Variants in NRXN1 observed in about 807,000 individuals in gnomAD.
NRXN1 encodes neurexin-1.
In NRXN1, 39 loss-of-function variants were observed where a neutral mutation model predicts 150.9. The ratio of observed to expected loss-of-function variants is 0.26; its 90% CI spans 0.20 to 0.34. The LOEUF (loss-of-function observed/expected upper bound fraction) is 0.34, where lower values mean the gene tolerates loss of function less well. NRXN1 is among the 10% of genes least tolerant of loss of function. The pLI is 1.00. For missense variants in NRXN1, 1,815 were observed against 1,949.9 expected (o/e 0.93, Z 1.30); for synonymous variants, 924 against 757.0 (o/e 1.22, Z -3.62).
intron 18 of NRXN1, among the ~76,000 whole-genome samples, chr2:50,131,362 T>C (rs1340673180): frequency 2.0e-5 from 3 of 152,238 alleles, no homozygotes; most frequent in African/African-American, 4.8e-5. Context: ...TCATGAATAA[T>C]GAATTAGAGT....
chr2:50,922,513 T>C (rs944617273), intron 4 of NRXN1, 145 bp downstream of exon 4: 7 of 828,884 alleles, frequency 8.4e-6, no homozygotes, highest in Admixed American at 4.1e-5. Context: ...GAAAAACACA[T>C]GAAAAAATGT....
chr2:50,139,048 G>A (rs1008471680), intron 18 of NRXN1, among the ~76,000 whole-genome samples: 6 of 152,100 alleles, frequency 3.9e-5, no homozygotes, highest in South Asian at 2.1e-4. Context: ...GCATGTGGAC[G>A]GGCAAGGTGG....
At chr2:50,430,264 G>A (rs1303871272) in intron 17 of NRXN1, among the ~76,000 whole-genome samples, 1 of 152,066 alleles carries the variant, frequency 6.6e-6, no homozygotes, top group Non-Finnish European at 1.5e-5. Flanking sequence ...TCCTGGGGTA[G>A]GGACCTATGT....
At chr2:50,165,346 C>T (rs2059611484) in intron 18 of NRXN1, among the ~76,000 whole-genome samples, 1 of 151,946 alleles carries the variant, frequency 6.6e-6, no homozygotes. Context: ...AGCCTCAGCA[C>T]TATTTTTTTT....
At chr2:50,996,262 G>A (rs762880989) in intron 2 of NRXN1, among the ~76,000 whole-genome samples, 5 of 152,146 alleles carry the variant, frequency 3.3e-5, no homozygotes, top group East Asian at 2.0e-4. Context: ...AAAGGTGTAC[G>A]TATCATGCTT....
At chr2:50,143,453 A>G (rs1293854006) in intron 18 of NRXN1, among the ~76,000 whole-genome samples, 1 of 151,938 alleles carries the variant, frequency 6.6e-6, no homozygotes, top group African/African-American at 2.4e-5. Context: ...GGAAGACACT[A>G]ATTTATTATG....
intron 17 of NRXN1, among the ~76,000 whole-genome samples, chr2:50,334,277 G>T (rs570856292): frequency 2.0e-5 from 3 of 149,322 alleles, no homozygotes; most frequent in African/African-American, 7.6e-5. Flanking sequence ...ATACACACAC[G>T]TACATACAAA....
intron 15 of NRXN1, among the ~76,000 whole-genome samples, chr2:50,493,695 C>A (rs2104884630): frequency 6.6e-6 from 1 of 152,264 alleles, no homozygotes; most frequent in Non-Finnish European, 1.5e-5. Flanking sequence ...ATGACTGTTG[C>A]CATCGGATCA....
At chr2:50,121,418 G>A (rs1703843454) in intron 18 of NRXN1, among the ~76,000 whole-genome samples, 1 of 152,182 alleles carries the variant, frequency 6.6e-6, no homozygotes, top group Admixed American at 6.5e-5. Flanking sequence ...AAGGCACAAA[G>A]AACAATGATC....
Position 49,922,049 on chromosome 2 carries a change from A to G in NRXN1, c.4419T>C (p.Ser1473=). ...YHVDESRNYI[S]NSAQSNGAVV... ...CAGCCCCATTGGACTGTGCTGAGTT[A>G]CTGATGTAGTTTCGACTCTCGTCCA... The change falls in exon 23 of 23, where the codon AGT becomes AGC. Residue 1473 remains serine (S), a synonymous_variant. Coordinates refer to ENST00000401669, the MANE Select transcript of NRXN1 (RefSeq NM_001330078.2). 6.2e-7 allele frequency: 1 copy of G among 1,614,042 alleles called. No homozygotes were observed. Among genetic ancestry groups the G allele is most frequent in the Non-Finnish European group, 8.5e-7 (1 of 1,180,010 alleles).
At chr2:50,361,192 C>T (rs1192385197) in intron 17 of NRXN1, among the ~76,000 whole-genome samples, 1 of 151,996 alleles carries the variant, frequency 6.6e-6, no homozygotes, top group Non-Finnish European at 1.5e-5. Context: ...CCTAACATCA[C>T]AATTAAAAGA....
chr2:50,176,617 G>A (rs990398985), intron 18 of NRXN1, among the ~76,000 whole-genome samples: 1 of 151,938 alleles, frequency 6.6e-6, no homozygotes, highest in Non-Finnish European at 1.5e-5. Flanking sequence ...TCTATTAGAT[G>A]GATAGCATGA....
chr2:50,121,220 G>A (rs538952666), intron 18 of NRXN1, among the ~76,000 whole-genome samples: 97 of 152,056 alleles, frequency 6.4e-4, no homozygotes, highest in South Asian at 8.3e-4. Flanking sequence ...ACCGGGTTTC[G>A]CCATGTTGGC....
chr2:50,402,245 C>T (rs777561514), intron 17 of NRXN1, among the ~76,000 whole-genome samples: 20 of 152,080 alleles, frequency 1.3e-4, no homozygotes, highest in Middle Eastern at 3.4e-3. Flanking sequence ...TAATTTAATA[C>T]ATCCATTAAT....
intron 2 of NRXN1, among the ~76,000 whole-genome samples, chr2:51,015,720 T>A (rs903622671): frequency 6.6e-6 from 1 of 152,026 alleles, no homozygotes; most frequent in Non-Finnish European, 1.5e-5. Flanking sequence ...GAAAGACATA[T>A]TTTAATCCAA....
rs1384226334 is a variant in NRXN1 at position 50,966,948 on chromosome 2, T to G, written c.773-40993A>C. ...ATCATTCTCTTGGATATATTCAAAC[T>G]GCAGGCTTTGCTTTGGCAAATAATC... On this transcript the variant is annotated intron_variant, in intron 2 of 22. Transcript: ENST00000401669. 2.0e-5 allele frequency among the ~76,000 whole-genome samples: 3 copies of G among 151,924 alleles called. No individual in the cohort carries two copies. The East Asian group carries it at 5.8e-4, about 29-fold the overall frequency.
chr2:50,099,497 G>C (rs1316358656), intron 18 of NRXN1, among the ~76,000 whole-genome samples: 1 of 151,916 alleles, frequency 6.6e-6, no homozygotes, highest in African/African-American at 2.4e-5. Context: ...TTTGCATCAT[G>C]CTCCAATTTT....
intron 18 of NRXN1, among the ~76,000 whole-genome samples, chr2:50,211,591 T>C (rs17461897): frequency 0.057 from 8,620 of 151,632 alleles, 294 homozygotes; most frequent in Middle Eastern, 0.1. Context: ...TTTTCATATA[T>C]ACTGGAGTCT....
At chr2:50,412,056 G>A (rs992498434) in intron 17 of NRXN1, among the ~76,000 whole-genome samples, 1 of 151,882 alleles carries the variant, frequency 6.6e-6, no homozygotes, top group African/African-American at 2.4e-5. Context: ...TGTCCACTCA[G>A]GGTTAAATGG....
Sources: allele counts gnomAD v4.1 joint callset (sites outside exome capture counted in the v4.1 genomes callset), GRCh38; gene constraint gnomAD v4.1.1; transcripts MANE v1.5; gene names NCBI Gene and HGNC (gene_info 2026-07-23, HGNC 2026-07-21).